The following DCC variants were observed in gnomAD, a reference collection of about 807,000 sequenced individuals.
The protein encoded by DCC is netrin receptor DCC.
Under a neutral mutation model 172.5 loss-of-function variants are expected in DCC, and 58 were observed. The observed-to-expected ratio is 0.34, with a 90% CI of 0.27 to 0.42. The LOEUF (loss-of-function observed/expected upper bound fraction) is 0.42. Ranked by LOEUF, DCC falls within the 10% of genes least tolerant of loss-of-function variation. The pLI is 1.00. For synonymous variants in DCC, 709 were observed against 644.5 expected, an observed-to-expected ratio of 1.10 and a Z score of -1.52; for missense variants, 1,740 against 1,791.0, an observed-to-expected ratio of 0.97 and a Z score of 0.51.
chr18:53,205,224 C>G lies in DCC; in HGVS notation c.1582C>G (p.Pro528Ala). Residue 528 changes from proline (P) to alanine (A), a missense_variant, in exon 10 of 29, where the codon CCA (proline) becomes GCA (alanine). Pro to Ala is a conservative substitution (Grantham distance 27). Around this residue, in one of 2 missense-constraint regions of DCC, gnomAD observed 1,732 missense variants for 1,767.4 expected, o/e 0.98. Transcript: ENST00000442544. Reference protein sequence around the residue: ...KVATQPELQVPGPVENLQAVS... With the variant: ...KVATQPELQVAGPVENLQAVS... ...ATTATTTTTTTATACAGTGCAAGTT[C>G]CAGGGCCAGTAGAAAACCTGCAAGC... The G allele has an allele frequency of 6.2e-7, 1 of 1,612,784 alleles. No individual in the cohort carries two copies. The highest frequency in any genetic ancestry group is 8.5e-7 in the Non-Finnish European group (1 of 1,178,886).
intron 12 of DCC, among the ~76,000 whole-genome samples, chr18:53,263,648 T>G (rs2056632506): frequency 6.6e-6 from 1 of 152,200 alleles, no homozygotes; most frequent in Admixed American, 6.5e-5. Context: ...CTCCAAACTT[T>G]TTTAGACATA....
At position 52,808,915 on chromosome 18, in the gene DCC, T is replaced by G. The variant is rs1301927837; in HGVS notation, c.412+56541T>G. ...CGGACTTAATGACCAATTAAAGCTC[T>G]TTCTTAAACTGTAAATTTTTGGCAT... is the stretch of plus-strand genomic sequence containing the variant. On this transcript the variant is annotated intron_variant, in intron 2 of 28. Transcript: ENST00000442544. Among the ~76,000 whole-genome samples the G allele has an allele frequency of 2.0e-5, 3 of 152,334 alleles. No homozygotes were observed. In the East Asian group the frequency reaches 5.8e-4, roughly 29 times the overall value.
chr18:53,512,222 G>T (rs1403048847), intron 27 of DCC, among the ~76,000 whole-genome samples: 1 of 151,774 alleles, frequency 6.6e-6, no homozygotes, highest in African/African-American at 2.4e-5. Context: ...ACACGGCAGG[G>T]TATTCCAACA....
In DCC at chr18:52,385,050, A is replaced by G. The variant is rs139037846; in HGVS notation, c.91+44172A>G. Reference sequence around the variant, plus strand: ...GACTTCTTGAGAACCAGAAATTTTTATAGAAGCTCAGATGCCTTCTAGGGT... The same window carrying G: ...GACTTCTTGAGAACCAGAAATTTTTGTAGAAGCTCAGATGCCTTCTAGGGT... On this transcript the variant is annotated intron_variant, in intron 1 of 28. Coordinates refer to ENST00000442544, the MANE Select transcript of DCC (RefSeq NM_005215.4). Among the ~76,000 whole-genome samples the G allele has an allele frequency of 1.2e-4, 18 of 152,272 alleles. No homozygotes were observed. The East Asian group carries it at 3.3e-3, about 28-fold the overall frequency.
rs1193488672 is a variant in DCC, at chr18:53,486,780, AC to A, written c.3737-15del. 5 of 1,613,950 alleles carry A rather than the reference AC, an allele frequency of 3.1e-6. No individual in the cohort carries two copies. The African/African-American group carries it at 6.7e-5, about 22-fold the overall frequency. ...TACATAAGGTTCAAAAAACCCATTA[AC>A]CTTTTTCTTTTGCAGCTGTCGTGAG... On this transcript the variant is annotated splice_polypyrimidine_tract_variant and intron_variant, in intron 25 of 28. Transcript: ENST00000442544.
At chr18:53,068,715 G>T (rs1331288980) in intron 7 of DCC, among the ~76,000 whole-genome samples, 2 of 151,080 alleles carry the variant, frequency 1.3e-5, no homozygotes, top group South Asian at 2.1e-4. Context: ...AGGTTGTCAT[G>T]GTATTTTCTC....
intron 7 of DCC, among the ~76,000 whole-genome samples, chr18:53,091,626 G>C (rs897182679): frequency 6.6e-6 from 1 of 151,428 alleles, no homozygotes; most frequent in African/African-American, 2.4e-5. Flanking sequence ...CAAAGAGAGA[G>C]AGATAATTCC....
At position 53,096,288 on chromosome 18, in the gene DCC, A is replaced by G. The variant is rs1192587329; in HGVS notation, c.1261+30122A>G. ...TGAGGGCCCAAGGTTACAGCGAGCT[A>G]TGATTGCACCCCTGCACTTTAGCCT... On this transcript the variant is annotated intron_variant, in intron 7 of 28. Coordinates refer to ENST00000442544, the MANE Select transcript of DCC (RefSeq NM_005215.4). Among the ~76,000 whole-genome samples the G allele has an allele frequency of 4.6e-5, 7 of 152,258 alleles. No individual in the cohort carries two copies. In the East Asian group the frequency reaches 1.2e-3, roughly 25 times the overall value.
chr18:52,974,621 A>G (rs944658334), intron 5 of DCC, among the ~76,000 whole-genome samples: 1 of 152,252 alleles, frequency 6.6e-6, no homozygotes, highest in African/African-American at 2.4e-5. Context: ...GAGAATAAAT[A>G]GTAACAGTGT....
chr18:52,593,054 T>A (rs2033833764), intron 1 of DCC, among the ~76,000 whole-genome samples: 1 of 152,188 alleles, frequency 6.6e-6, no homozygotes, highest in African/African-American at 2.4e-5. Flanking sequence ...CCTCAGGTAG[T>A]AGGTACCAAC....
At chr18:52,343,958 T>C (rs1230800118) in intron 1 of DCC, among the ~76,000 whole-genome samples, 1 of 152,156 alleles carries the variant, frequency 6.6e-6, no homozygotes, top group Non-Finnish European at 1.5e-5. Flanking sequence ...TACCTGTCAG[T>C]GTCCATTTCC....
intron 1 of DCC, among the ~76,000 whole-genome samples, chr18:52,640,361 A>G (rs1306684372): frequency 1.3e-5 from 2 of 152,122 alleles, no homozygotes; most frequent in South Asian, 2.1e-4. Context: ...CCTAGCCAGA[A>G]CAATCAGACA....
At chr18:53,477,620 T>G (rs1349937691) in intron 25 of DCC, among the ~76,000 whole-genome samples, 1 of 152,236 alleles carries the variant, frequency 6.6e-6, no homozygotes, top group Non-Finnish European at 1.5e-5. Context: ...ACATTTCTTA[T>G]TATGTGCTAT....
intron 1 of DCC, among the ~76,000 whole-genome samples, chr18:52,535,201 T>C (rs569297654): frequency 6.6e-6 from 1 of 152,310 alleles, no homozygotes; most frequent in South Asian, 2.1e-4. Context: ...CTTTCCACTG[T>C]GGAATCTTCA....
intron 7 of DCC, among the ~76,000 whole-genome samples, chr18:53,132,030 C>T (rs1224679353): frequency 4.7e-5 from 5 of 106,008 alleles, no homozygotes; most frequent in Non-Finnish European, 7.2e-5. Context: ...TCTTGCAGTT[C>T]ATTATTGTTT....
chr18:53,425,797 A>C (rs2145088071), intron 21 of DCC, among the ~76,000 whole-genome samples: 2 of 152,270 alleles, frequency 1.3e-5, no homozygotes, highest in South Asian at 4.1e-4. Flanking sequence ...CAGCTATAAA[A>C]TGGGGTTAGT....
chr18:53,246,065 C>T (rs897927001), intron 12 of DCC, among the ~76,000 whole-genome samples: 1 of 151,954 alleles, frequency 6.6e-6, no homozygotes, highest in Admixed American at 6.6e-5. Context: ...AATAGTTCTC[C>T]CTGAGACTTG....
chr18:52,703,146 C>T (rs187768285), intron 1 of DCC, among the ~76,000 whole-genome samples: 1 of 152,156 alleles, frequency 6.6e-6, no homozygotes, highest in Non-Finnish European at 1.5e-5. Context: ...ATCAATTATT[C>T]TAATTTTTAA....
chr18:52,561,147 T>A (rs1029157340), intron 1 of DCC, among the ~76,000 whole-genome samples: 1 of 152,054 alleles, frequency 6.6e-6, no homozygotes, highest in Non-Finnish European at 1.5e-5. Flanking sequence ...GATTTACAAA[T>A]GTACAGGTAT....
Sources: gnomAD v4.1 joint callset for allele counts (sites outside exome capture counted in the v4.1 genomes callset) on GRCh38, gnomAD v4.1.1 for gene constraint, gnomAD v4.1.1 regional missense constraint, MANE v1.5 for transcripts, NCBI Gene and HGNC (gene_info 2026-07-23, HGNC 2026-07-21) for gene names.